CIZ1: variants seen among roughly 807,000 people sequenced by gnomAD.
The protein encoded by CIZ1 is CDKN1A interacting zinc finger protein 1.
Under a neutral mutation model 118.6 loss-of-function variants are expected in CIZ1, and 58 were observed. The ratio of observed to expected loss-of-function variants is 0.49; its 90% CI spans 0.40 to 0.61. The LOEUF (loss-of-function observed/expected upper bound fraction) is 0.61. CIZ1 is among the 20% of genes least tolerant of loss of function. CIZ1 has a pLI of 0.00. For missense variants in CIZ1, 921 were observed against 1,115.9 expected (o/e 0.83, Z 2.49); for synonymous variants, 448 against 443.4 (o/e 1.01, Z -0.13).
intron 11 of CIZ1, among the ~76,000 whole-genome samples, chr9:128,175,084 T>G (rs992657679): frequency 2.6e-5 from 4 of 152,200 alleles, no homozygotes; most frequent in Non-Finnish European, 5.9e-5. Context: ...GCTACGTATG[T>G]CCTTTTAGTT....
chr9:128,176,541 C>T (rs1313529647), intron 10 of CIZ1, 66 bp from the exon 11 acceptor site: 2 of 1,527,090 alleles, frequency 1.3e-6, no homozygotes, highest in Non-Finnish European at 1.8e-6. Flanking sequence ...AAGGCTGGGG[C>T]CTGGGGAGGC....
Position 128,203,266 on chromosome 9 carries a change from C to T in CIZ1, c.-6+920G>A, listed in dbSNP as rs1833592760. 4.3e-6 allele frequency: 1 copy of T among 231,020 alleles called. No homozygotes were observed. Among genetic ancestry groups the T allele is most frequent in the Non-Finnish European group, 7.9e-6 (1 of 127,016 alleles). 14.3% of individuals were successfully genotyped at this position (231,020 alleles called of 1,614,324 possible). ...GAAAACTACGACACCCATGATGCCC[C>T]GGACGGCGCCTGCGCACGGCGGCCG... On this transcript the variant is annotated intron_variant, in intron 1 of 17. Transcript: ENST00000372948. The surrounding 1 kb of genome is among the most constrained non-coding windows in gnomAD (Gnocchi z 5.3).
In CIZ1 at chr9:128,177,633, C is replaced by G. The variant is rs766179735; in HGVS notation, c.1751G>C (p.Ser584Thr). 6.4e-7 allele frequency: 1 copy of G among 1,556,084 alleles called. No individual in the cohort carries two copies. The highest frequency in any genetic ancestry group is 8.7e-7 in the Non-Finnish European group (1 of 1,148,700). ...DSVSSTPAATSTPSKQALQFF... is the reference protein window; with the variant it reads ...DSVSSTPAATTTPSKQALQFF... ...CTGGAGGGCCTGCTTAGAGGGAGTG[C>G]TGGTAGCCGCAGGGGTGGAGGAGAC... The change falls in exon 10 of 17, where the codon AGC becomes ACC. Residue 584 changes from serine to threonine, a missense_variant. By Grantham distance (58) the Ser-to-Thr change is moderately conservative. Transcript: ENST00000372938.
intron 10 of CIZ1, among the ~76,000 whole-genome samples, chr9:128,176,792 G>A (rs1327741290): frequency 6.6e-6 from 1 of 152,174 alleles, no homozygotes; most frequent in Non-Finnish European, 1.5e-5. Context: ...AGTAATACAA[G>A]TACAATGCGA....
intron 10 of CIZ1, 149 bp from the exon 11 acceptor site, chr9:128,176,624 A>G: frequency 1.2e-6 from 1 of 818,342 alleles, no homozygotes; most frequent in Non-Finnish European, 1.8e-6. Flanking sequence ...TAGAGCAGGC[A>G]TGATAAACTA....
At position 128,166,392 on chromosome 9, in the gene CIZ1, G is replaced by C. The variant is rs1320285686; in HGVS notation, c.2502C>G (p.Ala834=). ...HFENLQKYKA[A]KNPSPTTRPV... ...GTCGGGTGGTGGGGCTGGGGTTCTT[G>C]GCCGCCTTGTATTTCTGGATACAGA... Residue 834 remains alanine (A), a synonymous_variant, in exon 17 of 17, where the codon GCC becomes GCG. Transcript: ENST00000372938. The surrounding 1 kb of genome is among the most constrained non-coding windows in gnomAD (Gnocchi z 4.4). 6.5e-7 allele frequency: 1 copy of C among 1,540,094 alleles called. No homozygotes were observed. Among genetic ancestry groups the C allele is most frequent in the African/African-American group, 1.4e-5 (1 of 73,040 alleles).
chr9:128,180,045 G>A (rs1310481859), intron 7 of CIZ1, among the ~76,000 whole-genome samples: 1 of 152,140 alleles, frequency 6.6e-6, no homozygotes, highest in Non-Finnish European at 1.5e-5. Context: ...GGCTGTCTAG[G>A]CCTCAGATTC....
chr9:128,184,917 A>G (rs1832157797), intron 5 of CIZ1, among the ~76,000 whole-genome samples: 1 of 151,974 alleles, frequency 6.6e-6, no homozygotes, highest in African/African-American at 2.4e-5. Flanking sequence ...TGATCCACCC[A>G]CCATGGCCTC....
chr9:128,173,397 A>G (rs990174278), intron 11 of CIZ1, among the ~76,000 whole-genome samples: 6 of 151,930 alleles, frequency 3.9e-5, no homozygotes, highest in South Asian at 4.2e-4. Context: ...CACCCGCCTC[A>G]GCCTCCCAAA....
chr9:128,185,511 C>T, intron 5 of CIZ1, 36 bp downstream of exon 5: 1 of 1,368,870 alleles, frequency 7.3e-7, no homozygotes, highest in Non-Finnish European at 9.9e-7. Context: ...ACCCAGGGTC[C>T]CCTCCCGCCC....
At chr9:128,201,001 G>A (rs1288806531) in intron 1 of CIZ1, among the ~76,000 whole-genome samples, 5 of 152,014 alleles carry the variant, frequency 3.3e-5, no homozygotes, top group African/African-American at 7.3e-5. Flanking sequence ...GGGCGCAGTG[G>A]TTCACACCTG....
chr9:128,173,434 C>T (rs879428123), intron 11 of CIZ1, among the ~76,000 whole-genome samples: 3 of 151,998 alleles, frequency 2.0e-5, no homozygotes, highest in African/African-American at 4.8e-5. Context: ...CGTGAGCTAC[C>T]GCGCCCGGCC....
intron 14 of CIZ1, among the ~76,000 whole-genome samples, chr9:128,168,020 C>G (rs1039848275): frequency 6.6e-6 from 1 of 152,206 alleles, no homozygotes; most frequent in Non-Finnish European, 1.5e-5. Flanking sequence ...TGCAGGCCCC[C>G]CCACCACAAC....
Position 128,203,624 on chromosome 9 carries a change from G to A in CIZ1, c.-6+562C>T. On this transcript the variant is annotated intron_variant, in intron 1 of 17. Transcript: ENST00000372948. The surrounding 1 kb of genome is among the most constrained non-coding windows in gnomAD (Gnocchi z 5.3). ...CAAGAGCTCGGTGCTCGAGAATTTC[G>A]TAGGCAGGTAGGCGCGGCGCGCCCC... 6.5e-7 allele frequency: 1 copy of A among 1,530,392 alleles called. No individual in the cohort carries two copies. 94.8% of individuals were successfully genotyped at this position (1,530,392 alleles called of 1,614,324 possible).
Position 128,185,658 on chromosome 9 carries a change from C to A in CIZ1, c.477G>T (p.Leu159Phe). 6.3e-7 allele frequency: 1 copy of A among 1,591,966 alleles called. No individual in the cohort carries two copies. The highest frequency in any genetic ancestry group is 8.6e-7 in the Non-Finnish European group (1 of 1,168,284). Residue 159 changes from leucine (L) to phenylalanine (F), a missense_variant, in exon 5 of 17, where the codon TTG becomes TTT. Coordinates refer to ENST00000372938, the MANE Select transcript of CIZ1 (RefSeq NM_001131016.2). ...QFFPQATRQSLLGPPPVGVPM... is the reference protein window; with the variant it reads ...QFFPQATRQSFLGPPPVGVPM... ...GGACCCCAACAGGAGGAGGTCCCAG[C>A]AAGGACTGGCGAGTGGCCTGGGGAA...
At chr9:128,176,870 T>C (rs1830921591) in intron 10 of CIZ1, among the ~76,000 whole-genome samples, 1 of 152,126 alleles carries the variant, frequency 6.6e-6, no homozygotes, top group Non-Finnish European at 1.5e-5. Context: ...CATTGCTGAA[T>C]CCCCAGAACC....
chr9:128,177,529 C>CGG, intron 10 of CIZ1, 37 bp downstream of exon 10: 34 of 1,090,550 alleles, frequency 3.1e-5, no homozygotes, highest in East Asian at 2.9e-5. Context: ...TCCACGCAGG[C>CGG]CCCACCCCTC....
In CIZ1 at chr9:128,190,756, CTGCTGCTGCTGCAAT is replaced by C. The variant is rs1833033656; in HGVS notation, c.87_101del (p.Gln31_Leu35del). The C allele has an allele frequency of 1.9e-6, 3 of 1,541,586 alleles. No homozygotes were observed. Among genetic ancestry groups the C allele is most frequent in the Middle Eastern group, 1.7e-4 (1 of 5,722 alleles). On this transcript the variant is annotated inframe_deletion, in exon 2 of 17. Transcript: ENST00000372938. ...GGAGCAGCTGCTGGAGCTGCAGTAACTGCTGCTGCTGCAATTGCTGCTGCTGGAGCTGCTGCTGCT... is the reference window on the plus strand; with the variant it reads ...GGAGCAGCTGCTGGAGCTGCAGTAACTGCTGCTGCTGGAGCTGCTGCTGCT...
chr9:128,194,499 A>G (rs1276784733), upstream of CIZ1, among the ~76,000 whole-genome samples: 4 of 151,616 alleles, frequency 2.6e-5, no homozygotes, highest in African/African-American at 9.7e-5. Context: ...GGAAATATTT[A>G]TATATTTTTT....
Sources: allele counts gnomAD v4.1 joint callset (sites outside exome capture counted in the v4.1 genomes callset), GRCh38; gene constraint gnomAD v4.1.1; non-coding constraint Gnocchi (gnomAD v3.1); transcripts MANE v1.5; gene names NCBI Gene and HGNC (gene_info 2026-07-23, HGNC 2026-07-21).